The following PCDH15 variants were observed in gnomAD, a reference collection of about 807,000 sequenced individuals.
The protein encoded by PCDH15 is protocadherin related 15, also known as protocadherin-15.
In PCDH15, 129 loss-of-function variants were observed where a neutral mutation model predicts 178.5. The ratio of observed to expected loss-of-function variants is 0.72; its 90% CI spans 0.63 to 0.84. The LOEUF (loss-of-function observed/expected upper bound fraction) is 0.84, where lower values mean the gene tolerates loss of function less well. Among genes scored for constraint, PCDH15 ranks in the 40% least tolerant of loss-of-function variants. PCDH15 has a pLI of 0.00. For synonymous variants in PCDH15, 800 were observed against 732.0 expected (o/e 1.09, Z -1.50); for missense variants, 2,230 against 2,099.9 (o/e 1.06, Z -1.21).
rs117941022 is a variant in PCDH15 at position 54,419,308 on chromosome 10, A to G, written c.158-40366T>C. Among the ~76,000 whole-genome samples the G allele has an allele frequency of 1.9e-3, 285 of 151,992 alleles. 6 individuals carry two copies. In the East Asian group the frequency reaches 0.044, roughly 23 times the overall value. ...TCAAATCCAACTCCAATTCTTTCAT[A>G]AGCAGTATTTTGTCCAACAAACAAA... On this transcript the variant is annotated intron_variant, in intron 3 of 37. Coordinates refer to ENST00000644397, the MANE Select transcript of PCDH15 (RefSeq NM_001384140.1).
chr10:54,638,655 A>G (rs553439456), intron 2 of PCDH15, among the ~76,000 whole-genome samples: 246 of 152,234 alleles, frequency 1.6e-3, no homozygotes, highest in African/African-American at 5.7e-3. Flanking sequence ...AAGTAGATCT[A>G]CCATTTGATC....
At chr10:55,308,631 C>T (rs1366361420) in intron 1 of PCDH15, among the ~76,000 whole-genome samples, 3 of 152,052 alleles carry the variant, frequency 2.0e-5, no homozygotes, top group African/African-American at 7.3e-5. Context: ...TTCAAATATA[C>T]TTATATCTTA....
chr10:54,733,096 T>C (rs1943627327), intron 1 of PCDH15, among the ~76,000 whole-genome samples: 1 of 151,502 alleles, frequency 6.6e-6, no homozygotes. Context: ...TATCTCTTCC[T>C]CATCACTACT....
At chr10:54,832,158 A>G (rs1447233249) in intron 3 of PCDH15, among the ~76,000 whole-genome samples, 1 of 152,060 alleles carries the variant, frequency 6.6e-6, no homozygotes, top group Non-Finnish European at 1.5e-5. Flanking sequence ...ACCTAGTTGC[A>G]CAGCTGATGT....
At chr10:55,062,792 C>CTAGTGGAGGATATTGGTAA (rs1841467775) in intron 2 of PCDH15, among the ~76,000 whole-genome samples, 1 of 152,086 alleles carries the variant, frequency 6.6e-6, no homozygotes, top group African/African-American at 2.4e-5. Flanking sequence ...ATGTACCACT[C>CTAGTGGAGGATATTGGTAA]TAGTGGAGGA....
At chr10:55,473,040 T>C (rs1839995583) in intron 2 of PCDH15, among the ~76,000 whole-genome samples, 1 of 152,190 alleles carries the variant, frequency 6.6e-6, no homozygotes, top group East Asian at 1.9e-4. Flanking sequence ...GAGTGGAATG[T>C]CCTAATTCAG....
intron 3 of PCDH15, among the ~76,000 whole-genome samples, chr10:54,836,649 C>G (rs949352197): frequency 1.2e-4 from 19 of 152,022 alleles, no homozygotes; most frequent in African/African-American, 4.6e-4. Flanking sequence ...AAGATATAAT[C>G]TCACTAGCAT....
chr10:55,516,207 C>G (rs117939042), intron 2 of PCDH15, among the ~76,000 whole-genome samples: 1 of 151,966 alleles, frequency 6.6e-6, no homozygotes, highest in African/African-American at 2.4e-5. Flanking sequence ...CCCCCCATAC[C>G]GTTCTCATGA....
At chr10:55,514,988 T>TAGA (rs1339131916) in intron 2 of PCDH15, among the ~76,000 whole-genome samples, 1 of 39,280 alleles carries the variant, frequency 2.5e-5, no homozygotes, top group Admixed American at 2.4e-4. Context: ...GATAGATAGA[T>TAGA]TTTTTTTTTT....
At chr10:55,298,480 G>A (rs1382164462) in intron 1 of PCDH15, among the ~76,000 whole-genome samples, 2 of 152,162 alleles carry the variant, frequency 1.3e-5, no homozygotes, top group African/African-American at 2.4e-5. Flanking sequence ...ATTGAACTCT[G>A]TAAATGAACA....
At chr10:54,115,655 A>C (rs2095100591) in intron 15 of PCDH15, among the ~76,000 whole-genome samples, 1 of 152,190 alleles carries the variant, frequency 6.6e-6, no homozygotes, top group Non-Finnish European at 1.5e-5. Flanking sequence ...GGCAGCTGAA[A>C]GCTTTACTTG....
chr10:54,312,460 T>C (rs1292902985), intron 8 of PCDH15, among the ~76,000 whole-genome samples: 2 of 152,108 alleles, frequency 1.3e-5, no homozygotes, highest in African/African-American at 2.4e-5. Context: ...TGGAGTATGT[T>C]TCTACCCCTT....
chr10:55,256,783 A>G (rs868501967), intron 1 of PCDH15, among the ~76,000 whole-genome samples: 1 of 152,054 alleles, frequency 6.6e-6, no homozygotes, highest in African/African-American at 2.4e-5. Context: ...GCCTCTGTAG[A>G]CTCCACCTCT....
At chr10:53,865,508 A>T (rs959388317) in intron 27 of PCDH15, among the ~76,000 whole-genome samples, 1 of 152,212 alleles carries the variant, frequency 6.6e-6, no homozygotes, top group Non-Finnish European at 1.5e-5. Flanking sequence ...AGCCAAGAAC[A>T]GAAAGTTAAA....
chr10:55,383,583 G>C (rs1188089848), intron 2 of PCDH15, among the ~76,000 whole-genome samples: 2 of 152,124 alleles, frequency 1.3e-5, no homozygotes, highest in African/African-American at 4.8e-5. Context: ...CAGTGATTTA[G>C]AGTTTGTTTG....
At chr10:53,892,941 C>A (rs2081675282) in intron 26 of PCDH15, among the ~76,000 whole-genome samples, 1 of 151,802 alleles carries the variant, frequency 6.6e-6, no homozygotes, top group African/African-American at 2.4e-5. Flanking sequence ...GAAGTATTTT[C>A]TAAAAATATA....
chr10:53,824,251 C>A (rs2132528954), intron 32 of PCDH15, among the ~76,000 whole-genome samples: 1 of 152,136 alleles, frequency 6.6e-6, no homozygotes. Context: ...TCAAAGATCA[C>A]AAATTAAATG....
chr10:55,424,175 G>C (rs1320402012), intron 2 of PCDH15, among the ~76,000 whole-genome samples: 1 of 152,122 alleles, frequency 6.6e-6, no homozygotes, highest in Non-Finnish European at 1.5e-5. Context: ...AGTGGCAAAT[G>C]AATGTCCCGT....
chr10:53,946,068 G>GA (rs988536846), intron 23 of PCDH15, among the ~76,000 whole-genome samples: 8 of 151,536 alleles, frequency 5.3e-5, no homozygotes, highest in Non-Finnish European at 7.4e-5. Context: ...GTAAATATGT[G>GA]AAAAAAATGT....
Sources: gnomAD v4.1 joint callset for allele counts (sites outside exome capture counted in the v4.1 genomes callset) on GRCh38, gnomAD v4.1.1 for gene constraint, MANE v1.5 for transcripts, NCBI Gene and HGNC (gene_info 2026-07-23, HGNC 2026-07-21) for gene names.